The following TM9SF4 variants were observed in gnomAD, a reference collection of about 807,000 sequenced individuals.
The protein encoded by TM9SF4 is transmembrane 9 superfamily member 4.
In TM9SF4, 26 loss-of-function variants were observed where a neutral mutation model predicts 90.4. The observed-to-expected ratio is 0.29, with a 90% CI of 0.21 to 0.40. The LOEUF (loss-of-function observed/expected upper bound fraction) is 0.40, where lower values mean the gene tolerates loss of function less well. Ranked by LOEUF, TM9SF4 falls within the 10% of genes least tolerant of loss-of-function variation. TM9SF4 has a pLI of 1.00. For missense variants in TM9SF4, 549 were observed against 834.8 expected, an observed-to-expected ratio of 0.66 and a Z score of 4.22; for synonymous variants, 293 against 315.4, an observed-to-expected ratio of 0.93 and a Z score of 0.75.
chr20:32,158,938 C>T (rs1284959640), intron 15 of TM9SF4, among the ~76,000 whole-genome samples: 4 of 150,822 alleles, frequency 2.7e-5, no homozygotes, highest in Admixed American at 6.6e-5. Flanking sequence ...GCCAAGATCG[C>T]GCCACTGCAC....
At chr20:32,146,699 A>T in intron 8 of TM9SF4, 86 bp from the exon 9 acceptor site, 1 of 1,370,482 alleles carries the variant, frequency 7.3e-7, no homozygotes, top group Admixed American at 1.8e-5. Flanking sequence ...GCTGTCGCAC[A>T]GTAAAACATC....
intron 17 of TM9SF4, among the ~76,000 whole-genome samples, chr20:32,163,268 A>AAAAAAATATATAT (rs1555886757): frequency 6.7e-5 from 5 of 74,470 alleles, no homozygotes; most frequent in African/African-American, 3.0e-4. Flanking sequence ...AAAAAAAAAA[A>AAAAAAATATATAT]ATATATATAT....
At chr20:32,149,835 G>A (rs1439118792) in intron 10 of TM9SF4, 69 bp downstream of exon 10, 15 of 1,588,636 alleles carry the variant, frequency 9.4e-6, no homozygotes, top group Non-Finnish European at 1.3e-5. Flanking sequence ...AGGAGAGAAG[G>A]GTGGGCTTCC....
At chr20:32,121,953 G>C (rs1415354217) in intron 1 of TM9SF4, among the ~76,000 whole-genome samples, 4 of 146,744 alleles carry the variant, frequency 2.7e-5, no homozygotes, top group African/African-American at 1.0e-4. Flanking sequence ...GCTCCCTCCC[G>C]GACGGGGCGG....
At chr20:32,149,153 A>G (rs1312881164) in intron 9 of TM9SF4, among the ~76,000 whole-genome samples, 1 of 152,232 alleles carries the variant, frequency 6.6e-6, no homozygotes, top group Non-Finnish European at 1.5e-5. Flanking sequence ...ATTAAGTGGG[A>G]GTATCAAATC....
intron 2 of TM9SF4, 120 bp from the exon 3 acceptor site, chr20:32,135,954 G>A: frequency 2.7e-6 from 2 of 752,590 alleles, no homozygotes; most frequent in Admixed American, 4.4e-5. Context: ...ATTATATAGT[G>A]TACTGCTGTC....
chr20:32,121,422 T>C (rs994688205), intron 1 of TM9SF4, among the ~76,000 whole-genome samples: 2 of 152,150 alleles, frequency 1.3e-5, no homozygotes, highest in African/African-American at 4.8e-5. Context: ...GCATGCTGCC[T>C]TCAAGCATCT....
At chr20:32,134,279 T>C (rs2046563524) in intron 2 of TM9SF4, among the ~76,000 whole-genome samples, 2 of 151,872 alleles carry the variant, frequency 1.3e-5, no homozygotes, top group South Asian at 2.1e-4. Context: ...AGAGAGGGAG[T>C]GGGAGGCAAC....
At chr20:32,143,253 A>C in intron 6 of TM9SF4, 148 bp downstream of exon 6, 331 of 1,030,944 alleles carry the variant, frequency 3.2e-4, no homozygotes, top group Non-Finnish European at 4.1e-4. Context: ...TGGTATTCTC[A>C]TTAGAGAAGA....
chr20:32,163,245 C>CAAAAAAA (rs67827616), intron 17 of TM9SF4, among the ~76,000 whole-genome samples: 1 of 41,046 alleles, frequency 2.4e-5, no homozygotes, highest in African/African-American at 1.0e-4. Flanking sequence ...GACTCCATCT[C>CAAAAAAA]AAAAAAAAAA....
rs765109885 is a variant in TM9SF4, at chr20:32,145,419, G to A, written c.879G>A (p.Leu293=). Residue 293 remains leucine, a synonymous_variant, in exon 8 of 18, where the codon CTG becomes CTA. Transcript: ENST00000398022. ...ACTCCGTTGTTGTGGTCTTCTTCCT[G>A]TCAGGTGAGAGATCTGTGGGTTGAG... is the stretch of plus-strand genomic sequence containing the variant. The part of the protein sequence containing the change: ...IINSVVVVFF[L]SGILSMIIIR... 6.2e-7 allele frequency: 1 copy of A among 1,613,930 alleles called. No homozygotes were observed. The highest frequency in any genetic ancestry group is 8.5e-7 in the Non-Finnish European group (1 of 1,179,828).
chr20:32,119,562 G>C (rs1246451689), intron 1 of TM9SF4, among the ~76,000 whole-genome samples: 1 of 151,666 alleles, frequency 6.6e-6, no homozygotes. Flanking sequence ...GTATATTCTG[G>C]ATATAAGTTC....
intron 13 of TM9SF4, among the ~76,000 whole-genome samples, chr20:32,156,699 C>T (rs948325446): frequency 3.3e-5 from 5 of 152,152 alleles, no homozygotes; most frequent in South Asian, 2.1e-4. Context: ...CTCTGCCTCC[C>T]GGGCTCAAGT....
chr20:32,148,041 G>A (rs757081577), intron 9 of TM9SF4, among the ~76,000 whole-genome samples: 2 of 151,318 alleles, frequency 1.3e-5, no homozygotes, highest in Admixed American at 1.3e-4. Flanking sequence ...AACCTGGGAG[G>A]TAGAGGTTGC....
intron 3 of TM9SF4, among the ~76,000 whole-genome samples, chr20:32,139,084 C>A (rs138694028): frequency 2.9e-3 from 439 of 152,324 alleles, no homozygotes; most frequent in Non-Finnish European, 4.6e-3. Context: ...TTCATCCATG[C>A]CCTTCCTCAA....
chr20:32,118,580 C>A (rs746069002), intron 1 of TM9SF4, among the ~76,000 whole-genome samples: 61 of 150,990 alleles, frequency 4.0e-4, no homozygotes, highest in Non-Finnish European at 7.5e-4. Context: ...CTATGCCCAG[C>A]CTAAATGTAT....
intron 3 of TM9SF4, among the ~76,000 whole-genome samples, chr20:32,137,507 G>T (rs1381063515): frequency 2.0e-5 from 3 of 152,170 alleles, no homozygotes; most frequent in Admixed American, 1.3e-4. Flanking sequence ...ATGTTATCCT[G>T]CCATATTGCA....
At chr20:32,156,330 A>G (rs2046919838) in intron 13 of TM9SF4, among the ~76,000 whole-genome samples, 1 of 152,208 alleles carries the variant, frequency 6.6e-6, no homozygotes, top group Non-Finnish European at 1.5e-5. Flanking sequence ...TATCCCATCT[A>G]AGGAAGTATT....
intron 9 of TM9SF4, among the ~76,000 whole-genome samples, chr20:32,149,175 A>G (rs1393492225): frequency 6.6e-6 from 1 of 152,160 alleles, no homozygotes; most frequent in Non-Finnish European, 1.5e-5. Flanking sequence ...TTTTATTTTT[A>G]TATCGTTCTG....
Sources: gnomAD v4.1 joint callset for allele counts (sites outside exome capture counted in the v4.1 genomes callset) on GRCh38, gnomAD v4.1.1 for gene constraint, MANE v1.5 for transcripts, NCBI Gene and HGNC (gene_info 2026-07-23, HGNC 2026-07-21) for gene names.